The following BANK1 variants were observed in gnomAD, a reference collection of about 807,000 sequenced individuals.
The protein encoded by BANK1 is B cell scaffold protein with ankyrin repeats 1.
BANK1 carries 95 observed loss-of-function variants against 94.5 expected under a neutral mutation model. The observed-to-expected ratio is 1.00, with a 90% CI of 0.85 to 1.19. The LOEUF (loss-of-function observed/expected upper bound fraction) is 1.19. BANK1 is among the 50% of genes most tolerant of loss of function. BANK1 has a pLI of 0.00. For missense variants in BANK1, 987 were observed against 932.2 expected, an observed-to-expected ratio of 1.06 and a Z score of -0.77; for synonymous variants, 334 against 308.4, an observed-to-expected ratio of 1.08 and a Z score of -0.87.
At chr4:101,978,363 C>G (rs1426936167) in intron 7 of BANK1, among the ~76,000 whole-genome samples, 2 of 151,960 alleles carry the variant, frequency 1.3e-5, no homozygotes, top group Non-Finnish European at 1.5e-5. Flanking sequence ...AAATTCTTGT[C>G]TCTGTAATAT....
chr4:101,942,383 A>G (rs543717620), intron 7 of BANK1, among the ~76,000 whole-genome samples: 1 of 151,956 alleles, frequency 6.6e-6, no homozygotes, highest in Non-Finnish European at 1.5e-5. Context: ...GGCATCTTGA[A>G]CCTGTTCTTC....
intron 1 of BANK1, among the ~76,000 whole-genome samples, chr4:101,807,619 C>G (rs986415198): frequency 6.6e-6 from 1 of 152,194 alleles, no homozygotes; most frequent in African/African-American, 2.4e-5. Context: ...GTTTTGTTAG[C>G]AGCAGGTGTC....
intron 1 of BANK1, among the ~76,000 whole-genome samples, chr4:101,828,479 C>G (rs1043189342): frequency 2.0e-5 from 3 of 150,792 alleles, no homozygotes; most frequent in African/African-American, 7.3e-5. Flanking sequence ...CTCTCTCATA[C>G]CTATTTTGTT....
At chr4:102,016,472 A>C (rs1165524395) in intron 7 of BANK1, among the ~76,000 whole-genome samples, 1 of 152,126 alleles carries the variant, frequency 6.6e-6, no homozygotes, top group Admixed American at 6.5e-5. Context: ...AAATTGTCCT[A>C]TACCCCCTCT....
At chr4:101,844,596 T>C in intron 2 of BANK1, among the ~76,000 whole-genome samples, 1 of 152,344 alleles carries the variant, frequency 6.6e-6, no homozygotes, top group East Asian at 1.9e-4. Context: ...GCAGAGGGTT[T>C]GGAGTCAGAC....
At chr4:101,798,454 A>T (rs1188631460) in intron 1 of BANK1, among the ~76,000 whole-genome samples, 1 of 152,180 alleles carries the variant, frequency 6.6e-6, no homozygotes, top group Non-Finnish European at 1.5e-5. Flanking sequence ...ATACATTTTA[A>T]TGTGTAGATT....
chr4:102,062,091 C>A (rs1157616855), intron 12 of BANK1: 1 of 152,090 alleles, frequency 6.6e-6, no homozygotes, highest in South Asian at 2.1e-4. Flanking sequence ...ATTTTTCTTG[C>A]AGCTTGGAAA....
chr4:102,028,750 AT>A (rs1727185580), intron 9 of BANK1, among the ~76,000 whole-genome samples: 1 of 152,182 alleles, frequency 6.6e-6, no homozygotes, highest in Non-Finnish European at 1.5e-5. Flanking sequence ...TCTTATAAAA[AT>A]ATGTCAAGAT....
At chr4:101,944,126 T>C (rs1302979962) in intron 7 of BANK1, among the ~76,000 whole-genome samples, 2 of 151,526 alleles carry the variant, frequency 1.3e-5, no homozygotes. Context: ...ATCCAACTGA[T>C]TTAATACTCC....
intron 2 of BANK1, among the ~76,000 whole-genome samples, chr4:101,851,283 C>A (rs1727465563): frequency 6.6e-6 from 1 of 152,040 alleles, no homozygotes; most frequent in Non-Finnish European, 1.5e-5. Flanking sequence ...CATAATATGT[C>A]CTTAAGCCTT....
Position 101,905,659 on chromosome 4 carries a change from C to T in BANK1, c.1009+10249C>T, listed in dbSNP as rs1722424492. Among the ~76,000 whole-genome samples the T allele has an allele frequency of 2.6e-5, 4 of 152,172 alleles. No homozygotes were observed. The South Asian group carries it at 8.3e-4, about 32-fold the overall frequency. ...GTATTTCCTTTATCCACCCTCAGTC[C>T]TGCCATTGCCTGTGCTAGCAGAGTA... is the stretch of plus-strand genomic sequence containing the variant. On this transcript the variant is annotated intron_variant, in intron 6 of 16. Coordinates refer to ENST00000322953, the MANE Select transcript of BANK1 (RefSeq NM_017935.5).
intron 4 of BANK1, among the ~76,000 whole-genome samples, chr4:101,867,676 T>C (rs958034347): frequency 6.6e-6 from 1 of 151,718 alleles, no homozygotes; most frequent in Non-Finnish European, 1.5e-5. Flanking sequence ...TATTTCAAAC[T>C]CTAGGACAAT....
chr4:102,062,183 CT>C (rs1319479223), intron 12 of BANK1: 1 of 152,078 alleles, frequency 6.6e-6, no homozygotes, highest in Non-Finnish European at 1.5e-5. Context: ...AGGAATTAAT[CT>C]AGGAAACTAA....
chr4:101,846,151 A>G (rs1727234780), intron 2 of BANK1, among the ~76,000 whole-genome samples: 1 of 152,172 alleles, frequency 6.6e-6, no homozygotes, highest in Admixed American at 6.5e-5. Context: ...CACTGTTCAC[A>G]ATAGCAAAGA....
chr4:102,036,327 G>A (rs1354921747), intron 10 of BANK1, among the ~76,000 whole-genome samples: 1 of 152,132 alleles, frequency 6.6e-6, no homozygotes, highest in Non-Finnish European at 1.5e-5. Flanking sequence ...CACATACAAT[G>A]CAATTGAAAT....
intron 7 of BANK1, among the ~76,000 whole-genome samples, chr4:101,987,198 G>A (rs1311095943): frequency 6.6e-6 from 1 of 151,504 alleles, no homozygotes; most frequent in East Asian, 1.9e-4. Flanking sequence ...GTCCATGTAA[G>A]GAATTAGCCA....
chr4:101,979,108 A>G (rs1318690901), intron 7 of BANK1, among the ~76,000 whole-genome samples: 1 of 152,030 alleles, frequency 6.6e-6, no homozygotes, highest in Non-Finnish European at 1.5e-5. Context: ...TAAAATAAAG[A>G]TCCAATATAC....
rs189141477 is a variant in BANK1, at chr4:101,816,556, T to G, written c.71-13252T>G. 3.8e-3 allele frequency among the ~76,000 whole-genome samples: 489 copies of G among 127,514 alleles called. 2 individuals carry two copies. Among genetic ancestry groups the G allele is most frequent in the African/African-American group, 0.016 (473 of 28,716 alleles). 83.7% of individuals were successfully genotyped at this position (127,514 alleles called of 152,430 possible). On this transcript the variant is annotated intron_variant, in intron 1 of 16. Coordinates refer to ENST00000322953, the MANE Select transcript of BANK1 (RefSeq NM_017935.5). ...ATGATCTGGAAACTAATGCCATGCT[T>G]CTTTTTTTTTTTTTTTCTGTTAACA...
chr4:101,839,966 T>A lies in BANK1; in HGVS notation c.469+9760T>A, dbSNP rs1294322275. Among the ~76,000 whole-genome samples, 731 of 78,348 alleles carry A rather than the reference T, an allele frequency of 9.3e-3. 24 individuals are homozygous for A. Among genetic ancestry groups the A allele is most frequent in the African/African-American group, 0.033 (683 of 20,536 alleles). 51.4% of individuals were successfully genotyped at this position (78,348 alleles called of 152,430 possible). On this transcript the variant is annotated intron_variant, in intron 2 of 16. Coordinates refer to ENST00000322953, the MANE Select transcript of BANK1 (RefSeq NM_017935.5). ...TTTTTTTTTTTTTTTTTTTTTTTTT[T>A]TTTTTTTTTTTTTTTTTTTTGAGAC... is the stretch of plus-strand genomic sequence containing the variant.
Sources: allele counts gnomAD v4.1 joint callset (sites outside exome capture counted in the v4.1 genomes callset), GRCh38; gene constraint gnomAD v4.1.1; transcripts MANE v1.5; gene names NCBI Gene and HGNC (gene_info 2026-07-23, HGNC 2026-07-21).